Variants in NLRP12 observed in about 807,000 individuals in gnomAD.
The protein encoded by NLRP12 is NACHT, LRR and PYD domains-containing protein 12.
In NLRP12, 108 loss-of-function variants were observed where a neutral mutation model predicts 91.2. The observed-to-expected ratio is 1.18, with a 90% CI of 1.01 to 1.39. The LOEUF (loss-of-function observed/expected upper bound fraction) is 1.39. Ranked by LOEUF, NLRP12 falls within the 40% of genes most tolerant of loss-of-function variation. The pLI, the probability that NLRP12 is intolerant of heterozygous loss-of-function variation, is 0.00. For missense variants in NLRP12, 1,530 were observed against 1,352.7 expected, an observed-to-expected ratio of 1.13 and a Z score of -2.06; for synonymous variants, 613 against 566.7, an observed-to-expected ratio of 1.08 and a Z score of -1.16.
intron 4 of NLRP12, 53 bp from the exon 5 acceptor site, chr19:53,805,503 G>T: frequency 1.9e-6 from 3 of 1,564,446 alleles, no homozygotes; most frequent in Non-Finnish European, 2.6e-6. Flanking sequence ...CTCCAGTTTT[G>T]TGGATTATTT....
chr19:53,798,056 T>G (rs2091800794), intron 8 of NLRP12, among the ~76,000 whole-genome samples, 187 bp downstream of exon 8: 1 of 152,228 alleles, frequency 6.6e-6, no homozygotes. Flanking sequence ...AAATTTTAAG[T>G]CGGGTAGCAC....
chr19:53,801,361 G>A lies in NLRP12; in HGVS notation c.2622C>T (p.Asp874=), dbSNP rs368897676. The A allele has an allele frequency of 1.2e-4, 194 of 1,613,578 alleles. No homozygotes were observed. The highest frequency in any genetic ancestry group is 1.8e-4 in the East Asian group (8 of 44,868). The part of the protein sequence containing the change: ...KICRLTAAAC[D]ELASTLSVNQ... ...TCACACTGAGAGTTGAGGCCAGCTC[G>A]TCACAGGCAGCAGCAGTGAGGCGGC... Residue 874 remains aspartate (D), a synonymous_variant, in exon 7 of 10, where the codon GAC becomes GAT. Transcript: ENST00000324134.
At chr19:53,818,722 G>A (rs1042519367) in intron 1 of NLRP12, among the ~76,000 whole-genome samples, 1 of 151,942 alleles carries the variant, frequency 6.6e-6, no homozygotes, top group Non-Finnish European at 1.5e-5. Flanking sequence ...AGCTGAAAAA[G>A]GCCTCAGAGA....
At chr19:53,814,684 G>C (rs575389933) in intron 2 of NLRP12, among the ~76,000 whole-genome samples, 1 of 152,142 alleles carries the variant, frequency 6.6e-6, no homozygotes, top group Non-Finnish European at 1.5e-5. Context: ...GCGTGTATGA[G>C]ATGGTTTGGT....
intron 4 of NLRP12, among the ~76,000 whole-genome samples, chr19:53,806,278 C>A (rs1251519670): frequency 2.6e-5 from 4 of 151,938 alleles, no homozygotes; most frequent in Non-Finnish European, 5.9e-5. Flanking sequence ...GTGGCTCACA[C>A]CTGTAATCTC....
intron 7 of NLRP12, among the ~76,000 whole-genome samples, chr19:53,798,809 T>C (rs1568658689): frequency 6.6e-6 from 1 of 152,092 alleles, no homozygotes; most frequent in African/African-American, 2.4e-5. Context: ...TGGTGCAATC[T>C]CGGCTCACTG....
intron 9 of NLRP12, among the ~76,000 whole-genome samples, chr19:53,795,098 T>C (rs1449552634): frequency 9.7e-6 from 1 of 103,364 alleles, no homozygotes; most frequent in Non-Finnish European, 2.0e-5. Context: ...CCACCATACC[T>C]GGTGTGTGCG....
chr19:53,821,359 T>C (rs540190850), intron 1 of NLRP12, among the ~76,000 whole-genome samples: 1 of 151,826 alleles, frequency 6.6e-6, no homozygotes, highest in Admixed American at 6.6e-5. Flanking sequence ...TTTTATGAGA[T>C]AGAAGATATA....
At chr19:53,795,262 C>CAA (rs55736105) in intron 9 of NLRP12, among the ~76,000 whole-genome samples, 23 of 149,768 alleles carry the variant, frequency 1.5e-4, no homozygotes, top group South Asian at 8.4e-4. Flanking sequence ...AGATCCTGTC[C>CAA]AAAAAAAAAG....
Position 53,810,981 on chromosome 19 carries a change from C to T in NLRP12, c.678G>A (p.Leu226=), listed in dbSNP as rs752154220. 3 of 1,614,176 alleles carry T rather than the reference C, an allele frequency of 1.9e-6. No individual in the cohort carries two copies. The highest frequency in any genetic ancestry group is 4.5e-5 in the East Asian group (2 of 44,888). The part of the protein sequence containing the change: ...QGAAGIGKSM[L]AHKVMLDWAD... ...CCCAGTCCAGCATCACCTTGTGTGC[C>T]AGCATGGACTTGCCTATCCCTGCCG... Residue 226 remains leucine, a synonymous_variant, in exon 3 of 10, where the codon CTG becomes CTA. Transcript: ENST00000324134.
rs574294757 is a variant in NLRP12 at position 53,809,619 on chromosome 19, G to C, written c.2040C>G (p.Cys680Trp). ...CCAACAGCGTGTGCGCTCCTGCGGAGCACCTCGCGCGGTCTTCCCCGTCCG... is the reference window on the plus strand; with the variant it reads ...CCAACAGCGTGTGCGCTCCTGCGGACCACCTCGCGCGGTCTTCCCCGTCCG... ...YSADGEDRARCSAGAHTLLVQ... is the reference protein window; with the variant it reads ...YSADGEDRARWSAGAHTLLVQ... Residue 680 changes from cysteine to tryptophan, a missense_variant, in exon 3 of 10, where the codon TGC becomes TGG. Cys to Trp is a radical substitution (Grantham distance 215). Coordinates refer to ENST00000324134, the MANE Select transcript of NLRP12 (RefSeq NM_144687.4). 1 of 1,613,032 alleles carries C rather than the reference G, an allele frequency of 6.2e-7. No individual in the cohort carries two copies. Among genetic ancestry groups the C allele is most frequent in the South Asian group, 1.1e-5 (1 of 91,072 alleles).
intron 1 of NLRP12, among the ~76,000 whole-genome samples, chr19:53,817,345 G>A (rs1040978645): frequency 3.3e-5 from 5 of 151,972 alleles, no homozygotes; most frequent in Non-Finnish European, 5.9e-5. Flanking sequence ...CAGGAGAATC[G>A]CTTGAACCAG....
chr19:53,807,845 G>C (rs1213363492), intron 3 of NLRP12, 180 bp from the exon 4 acceptor site: 1 of 635,550 alleles, frequency 1.6e-6, no homozygotes, highest in Non-Finnish European at 2.8e-6. Context: ...CCGCCTCCTG[G>C]GTTCAAGCGA....
At chr19:53,807,802 G>C in intron 3 of NLRP12, 137 bp from the exon 4 acceptor site, 1 of 946,010 alleles carries the variant, frequency 1.1e-6, no homozygotes, top group Non-Finnish European at 1.6e-6. Context: ...CCAGGCTGGA[G>C]TGCAATGGCG....
At chr19:53,821,175 A>C (rs2122777231) in intron 1 of NLRP12, among the ~76,000 whole-genome samples, 1 of 150,850 alleles carries the variant, frequency 6.6e-6, no homozygotes, top group East Asian at 2.0e-4. Flanking sequence ...AGCAGGGATT[A>C]CTGGCGCCCG....
Position 53,795,997 on chromosome 19 carries a change from C to G in NLRP12, c.2960G>C (p.Cys987Ser), listed in dbSNP as rs369502542. 16 of 1,614,026 alleles carry G rather than the reference C, an allele frequency of 9.9e-6. No individual in the cohort carries two copies. In the Admixed American group the frequency reaches 2.3e-4, roughly 24 times the overall value. ...CCCCAGGGTGAAGTAAAGATTCTCA[C>G]AAGCCTTGGCTGTGAGGCCACAGCT... ...LDSCGLTAKA[C>S]ENLYFTLGIN... Residue 987 changes from cysteine to serine, a missense_variant, in exon 9 of 10, where the codon TGT becomes TCT. By Grantham distance (112) the Cys-to-Ser change is moderately radical (BLOSUM62 -1). Transcript: ENST00000324134.
At chr19:53,809,360 G>C (rs1178860750) in intron 3 of NLRP12, among the ~76,000 whole-genome samples, 1 of 150,902 alleles carries the variant, frequency 6.6e-6, no homozygotes, top group African/African-American at 2.4e-5. Flanking sequence ...GTGAAACCCT[G>C]TCTCTACTAA....
intron 1 of NLRP12, among the ~76,000 whole-genome samples, chr19:53,818,441 G>A (rs917491137): frequency 5.3e-5 from 8 of 152,096 alleles, no homozygotes; most frequent in African/African-American, 1.9e-4. Context: ...GCTGAGGTGG[G>A]TGGATCATGA....
intron 6 of NLRP12, among the ~76,000 whole-genome samples, chr19:53,802,655 A>C (rs901418790): frequency 4.6e-5 from 7 of 151,506 alleles, no homozygotes; most frequent in African/African-American, 1.5e-4. Flanking sequence ...TGCAGTGAGC[A>C]GAGATCACAC....
Sources: gnomAD v4.1 joint callset for allele counts (sites outside exome capture counted in the v4.1 genomes callset) on GRCh38, gnomAD v4.1.1 for gene constraint, MANE v1.5 for transcripts, NCBI Gene and HGNC (gene_info 2026-07-23, HGNC 2026-07-21) for gene names.